SMAD2: variants seen among roughly 807,000 people sequenced by gnomAD.
SMAD2 encodes the protein SMAD family member 2.
In SMAD2, 8 loss-of-function variants were observed where a neutral mutation model predicts 64.4. That is an observed-to-expected ratio of 0.12 (90% CI 0.07 to 0.22). The LOEUF is 0.22. Ranked by LOEUF, SMAD2 falls within the 10% of genes least tolerant of loss-of-function variation. The probability of loss-of-function intolerance (pLI) is 1.00; values close to 1 mark genes in which losing one functional copy is unlikely to be tolerated. For missense variants in SMAD2, 289 were observed against 561.2 expected (o/e 0.51, Z 4.90); for synonymous variants, 203 against 195.8 (o/e 1.04, Z -0.31).
At chr18:47,904,494 G>A (rs2033824914) in intron 1 of SMAD2, among the ~76,000 whole-genome samples, 1 of 151,960 alleles carries the variant, frequency 6.6e-6, no homozygotes, top group African/African-American at 2.4e-5. Context: ...ACCAGTCCCA[G>A]ACAAAGGCAC....
intron 7 of SMAD2, among the ~76,000 whole-genome samples, chr18:47,850,701 TTATATA>T (rs2029877706): frequency 1.0e-4 from 3 of 29,164 alleles, no homozygotes; most frequent in African/African-American, 5.0e-4. Context: ...ATAATATATA[TTATATA>T]CTATATATAT....
chr18:47,826,665 T>C lies in SMAD2; in HGVS notation c.*15162A>G, dbSNP rs1196483760. 1.3e-5 allele frequency: 2 copies of C among 152,392 alleles called. No homozygotes were observed. Among genetic ancestry groups the C allele is most frequent in the Non-Finnish European group, 2.9e-5 (2 of 68,040 alleles). 9.4% of individuals were successfully genotyped at this position (152,392 alleles called of 1,614,324 possible). On this transcript the variant is annotated 3_prime_UTR_variant, in exon 11 of 11. Transcript: ENST00000262160. The stretch of plus-strand genomic sequence containing the variant: ...ATCTAATTCATAAACTGTTTATTGC[T>C]GCACACCACTGGGTTTTTGTGGTTG...
At chr18:47,915,620 TAC>T (rs1487088019) in intron 1 of SMAD2, among the ~76,000 whole-genome samples, 4 of 152,210 alleles carry the variant, frequency 2.6e-5, no homozygotes, top group Non-Finnish European at 5.9e-5. Context: ...ACCTAGTATA[TAC>T]ACACACACTT....
chr18:47,841,676 G>C lies in SMAD2; in HGVS notation c.*151C>G. 1.3e-6 allele frequency: 1 copy of C among 773,562 alleles called. No homozygotes were observed. The highest frequency in any genetic ancestry group is 2.2e-6 in the Non-Finnish European group (1 of 455,570). The allele number at this position is 773,562 out of a possible 1,614,324, so 47.9% of individuals were successfully genotyped here. Reference sequence around the variant, plus strand: ...ATCTAATATTCAAATATAGGAAACAGATTCCACAAGGTGCTTTAATTGATG... The same window carrying C: ...ATCTAATATTCAAATATAGGAAACACATTCCACAAGGTGCTTTAATTGATG... On this transcript the variant is annotated 3_prime_UTR_variant, in exon 11 of 11. Coordinates refer to ENST00000262160, the MANE Select transcript of SMAD2 (RefSeq NM_005901.6).
At chr18:47,854,473 G>GAT (rs1447552849) in intron 6 of SMAD2, among the ~76,000 whole-genome samples, 2 of 152,148 alleles carry the variant, frequency 1.3e-5, no homozygotes, top group African/African-American at 4.8e-5. Context: ...CTGCCAATAT[G>GAT]ATAGGTTTAA....
Position 47,834,734 on chromosome 18 carries a change from G to A in SMAD2, c.*7093C>T, listed in dbSNP as rs970258693. ...AGCTCACTCTTGAAATCTGTTTTCAGACAAATCTTCTAAAGGTTCTTCTAG... is the reference window on the plus strand; with the variant it reads ...AGCTCACTCTTGAAATCTGTTTTCAAACAAATCTTCTAAAGGTTCTTCTAG... On this transcript the variant is annotated 3_prime_UTR_variant, in exon 11 of 11. Transcript: ENST00000262160. 3 of 221,282 alleles carry A rather than the reference G, an allele frequency of 1.4e-5. No homozygotes were observed. The highest frequency in any genetic ancestry group is 6.7e-5 in the African/African-American group (3 of 44,670). The allele number at this position is 221,282 out of a possible 1,614,324, so 13.7% of individuals were successfully genotyped here.
At chr18:47,859,386 T>C (rs1012149460) in intron 6 of SMAD2, among the ~76,000 whole-genome samples, 1 of 152,174 alleles carries the variant, frequency 6.6e-6, no homozygotes, top group Non-Finnish European at 1.5e-5. Context: ...TTTCCAACTA[T>C]ATATGGAACT....
chr18:47,909,947 T>C (rs1053888762), intron 1 of SMAD2, among the ~76,000 whole-genome samples: 1 of 152,068 alleles, frequency 6.6e-6, no homozygotes, highest in East Asian at 1.9e-4. Context: ...CAGTACTCCA[T>C]GGAAAAGACC....
chr18:47,826,011 A>G lies in SMAD2; in HGVS notation c.*15816T>C, dbSNP rs1435322402. The G allele has an allele frequency of 2.0e-5, 3 of 152,318 alleles. No homozygotes were observed. Among genetic ancestry groups the G allele is most frequent in the East Asian group, 3.9e-4 (2 of 5,174 alleles). The allele number at this position is 152,318 out of a possible 1,614,324, so 9.4% of individuals were successfully genotyped here. ...TTCCCTGAATTGAGTGATTCTTTCT[A>G]CTTTCTAGTGCTGTACAGGATAGGC... On this transcript the variant is annotated 3_prime_UTR_variant, in exon 11 of 11. Transcript: ENST00000262160.
intron 6 of SMAD2, among the ~76,000 whole-genome samples, chr18:47,857,486 T>C (rs903883600): frequency 2.6e-5 from 4 of 152,198 alleles, no homozygotes; most frequent in Admixed American, 1.3e-4. Flanking sequence ...TTATAGTTAG[T>C]ATGTAGAAGA....
At chr18:47,851,072 C>T (rs928021830) in intron 7 of SMAD2, among the ~76,000 whole-genome samples, 5 of 149,988 alleles carry the variant, frequency 3.3e-5, no homozygotes, top group East Asian at 2.0e-4. Flanking sequence ...CTTATATGTG[C>T]CAGCAGAAAA....
chr18:47,906,699 G>A (rs1229037171), intron 1 of SMAD2, among the ~76,000 whole-genome samples: 1 of 152,094 alleles, frequency 6.6e-6, no homozygotes, highest in Non-Finnish European at 1.5e-5. Flanking sequence ...GATTCCTCCT[G>A]GAGTGTCTGA....
chr18:47,922,417 T>C (rs2034596179), intron 1 of SMAD2: 2 of 152,194 alleles, frequency 1.3e-5, no homozygotes, highest in African/African-American at 2.4e-5. Context: ...GTACTGAACA[T>C]GTACAGACTT....
intron 2 of SMAD2, among the ~76,000 whole-genome samples, chr18:47,879,495 CGT>C (rs58440360): frequency 0.031 from 4,365 of 141,252 alleles, 172 homozygotes; most frequent in African/African-American, 0.099. Context: ...ATGTATATGA[CGT>C]GTGTGTGTGT....
chr18:47,902,159 A>T (rs1189912476), intron 1 of SMAD2, among the ~76,000 whole-genome samples: 1 of 152,186 alleles, frequency 6.6e-6, no homozygotes, highest in East Asian at 1.9e-4. Flanking sequence ...CTCAGGCTGC[A>T]GCCCAAAGGC....
chr18:47,902,298 G>T (rs187297823), intron 1 of SMAD2, among the ~76,000 whole-genome samples: 1 of 151,996 alleles, frequency 6.6e-6, no homozygotes, highest in Non-Finnish European at 1.5e-5. Flanking sequence ...GTTCTCTATC[G>T]CTAAATATAT....
intron 2 of SMAD2, among the ~76,000 whole-genome samples, chr18:47,890,078 G>A (rs1598844252): frequency 1.3e-5 from 2 of 152,204 alleles, no homozygotes; most frequent in Middle Eastern, 6.8e-3. Context: ...TATACACAAG[G>A]GACTTTGAAT....
At chr18:47,914,002 A>T (rs188960813) in intron 1 of SMAD2, among the ~76,000 whole-genome samples, 151 of 152,266 alleles carry the variant, frequency 9.9e-4, no homozygotes, top group African/African-American at 3.5e-3. Context: ...TACTCACCGG[A>T]AAGTTTCAAT....
At chr18:47,911,973 C>A (rs999831400) in intron 1 of SMAD2, among the ~76,000 whole-genome samples, 1 of 152,188 alleles carries the variant, frequency 6.6e-6, no homozygotes, top group Non-Finnish European at 1.5e-5. Flanking sequence ...GAGGAGCCAA[C>A]TACAGACACC....
Sources: allele counts gnomAD v4.1 joint callset (sites outside exome capture counted in the v4.1 genomes callset), GRCh38; gene constraint gnomAD v4.1.1; transcripts MANE v1.5; gene names NCBI Gene and HGNC (gene_info 2026-07-23, HGNC 2026-07-21).